EGFLAM: variants seen among roughly 807,000 people sequenced by gnomAD.
EGFLAM encodes the protein EGF like, fibronectin type III and laminin G domains, also known as pikachurin.
In EGFLAM, 79 loss-of-function variants were observed where a neutral mutation model predicts 113.1. The observed-to-expected ratio is 0.70, with a 90% CI of 0.58 to 0.84. The LOEUF (loss-of-function observed/expected upper bound fraction) is 0.84. EGFLAM is among the 40% of genes least tolerant of loss of function. The pLI is 0.00. For synonymous variants in EGFLAM, 504 were observed against 487.6 expected, an observed-to-expected ratio of 1.03 and a Z score of -0.44; for missense variants, 1,265 against 1,291.6, an observed-to-expected ratio of 0.98 and a Z score of 0.32.
intron 3 of EGFLAM, among the ~76,000 whole-genome samples, chr5:38,347,840 G>A (rs1026488982): frequency 2.0e-5 from 3 of 152,158 alleles, no homozygotes; most frequent in Non-Finnish European, 2.9e-5. Context: ...GGAGGTACAG[G>A]CAGTGCAGCA....
At chr5:38,375,837 A>G (rs1443730735) in intron 6 of EGFLAM, among the ~76,000 whole-genome samples, 2 of 152,186 alleles carry the variant, frequency 1.3e-5, no homozygotes, top group South Asian at 2.1e-4. Context: ...CCACAACATT[A>G]TAAGTAGAAC....
intron 11 of EGFLAM, among the ~76,000 whole-genome samples, chr5:38,413,338 T>C (rs998056466): frequency 1.6e-4 from 24 of 151,876 alleles, no homozygotes; most frequent in African/African-American, 2.9e-4. Context: ...CTAGAAGCCA[T>C]TATTAGTGTC....
chr5:38,395,224 G>A (rs555619931), intron 6 of EGFLAM, among the ~76,000 whole-genome samples: 1 of 148,346 alleles, frequency 6.7e-6, no homozygotes, highest in Admixed American at 6.7e-5. Context: ...ATAGGTGTGA[G>A]CCACCATGCC....
chr5:38,389,338 C>T (rs557405233), intron 6 of EGFLAM, among the ~76,000 whole-genome samples: 7 of 152,168 alleles, frequency 4.6e-5, no homozygotes, highest in Non-Finnish European at 8.8e-5. Context: ...CACAGCTCAA[C>T]GTGATTTTTC....
At chr5:38,292,528 C>T (rs1758360827) in intron 1 of EGFLAM, among the ~76,000 whole-genome samples, 1 of 152,158 alleles carries the variant, frequency 6.6e-6, no homozygotes, top group South Asian at 2.1e-4. Flanking sequence ...CATGTGTTCC[C>T]CAGTTCGCTG....
At chr5:38,388,800 C>A (rs1370932524) in intron 6 of EGFLAM, among the ~76,000 whole-genome samples, 1 of 149,478 alleles carries the variant, frequency 6.7e-6, no homozygotes, top group African/African-American at 2.5e-5. Context: ...CAGTGGTGCA[C>A]ACCTGTAGTC....
chr5:38,463,133 C>T (rs1743346584), intron 21 of EGFLAM, 122 bp downstream of exon 21: 3 of 909,884 alleles, frequency 3.3e-6, no homozygotes, highest in South Asian at 1.9e-5. Flanking sequence ...GGAAGCCCTC[C>T]AGATATTCCA....
Position 38,462,975 on chromosome 5 carries a change from A to T in EGFLAM, c.2839A>T (p.Met947Leu). The T allele has an allele frequency of 6.2e-7, 1 of 1,614,140 alleles. No individual in the cohort carries two copies. Among genetic ancestry groups the T allele is most frequent in the Non-Finnish European group, 8.5e-7 (1 of 1,180,006 alleles). ...CAGAACAGGCAAATCCCCAGGCATG[A>T]TGCGGCAGCTTAACATCAATGGAGC... ...GARTGKSPGMMRQLNINGALY... is the reference protein window; with the variant it reads ...GARTGKSPGMLRQLNINGALY... Residue 947 changes from methionine (M) to leucine (L), a missense_variant, in exon 21 of 22, where the codon ATG becomes TTG. Coordinates refer to ENST00000322350, the MANE Select transcript of EGFLAM (RefSeq NM_152403.4).
intron 6 of EGFLAM, among the ~76,000 whole-genome samples, chr5:38,402,425 G>A (rs542634415): frequency 1.3e-5 from 2 of 152,110 alleles, no homozygotes; most frequent in African/African-American, 2.4e-5. Context: ...TATTTTGTGA[G>A]GATTAACTTA....
At chr5:38,446,311 G>T (rs1742710163) in intron 17 of EGFLAM, among the ~76,000 whole-genome samples, 1 of 151,696 alleles carries the variant, frequency 6.6e-6, no homozygotes, top group Non-Finnish European at 1.5e-5. Context: ...TTCCGGCGCC[G>T]CCTTCTTTCC....
rs767984778 is a variant in EGFLAM at position 38,406,986 on chromosome 5, G to C, written c.987G>C (p.Gln329His). The part of the protein sequence containing the change: ...TTVAPQPIPI[Q>H]RKGKNGVAIM... Reference sequence around the variant, plus strand: ...TGGCTCCCCAGCCCATTCCCATACAGAGAAAGGGGAAGAATGGTGTGGCCA... The same window carrying C: ...TGGCTCCCCAGCCCATTCCCATACACAGAAAGGGGAAGAATGGTGTGGCCA... Residue 329 changes from glutamine to histidine, a missense_variant, in exon 8 of 22, where the codon CAG (glutamine) becomes CAC (histidine). Physicochemically the swap from Gln to His is conservative, Grantham distance 24. Coordinates refer to ENST00000322350, the MANE Select transcript of EGFLAM (RefSeq NM_152403.4). 7 of 1,614,186 alleles carry C rather than the reference G, an allele frequency of 4.3e-6. No homozygotes were observed. Among genetic ancestry groups the C allele is most frequent in the Non-Finnish European group, 5.9e-6 (7 of 1,180,032 alleles).
In EGFLAM at chr5:38,333,423, G is replaced by A. The variant is rs923270470; in HGVS notation, c.98-4097G>A. Among the ~76,000 whole-genome samples the A allele has an allele frequency of 9.2e-5, 14 of 152,154 alleles. No individual in the cohort carries two copies. In the East Asian group the frequency reaches 1.3e-3, roughly 15 times the overall value. On this transcript the variant is annotated intron_variant, in intron 1 of 21. Transcript: ENST00000322350. Reference sequence around the variant, plus strand: ...GCTAATTTATACTCCCACCAACAGCGTATAAGAGTTCCCTTTTCTCCACAA... The same window carrying A: ...GCTAATTTATACTCCCACCAACAGCATATAAGAGTTCCCTTTTCTCCACAA...
chr5:38,264,432 T>C (rs2111689706), intron 1 of EGFLAM, among the ~76,000 whole-genome samples: 3 of 152,248 alleles, frequency 2.0e-5, no homozygotes. Flanking sequence ...AACAAAAGGC[T>C]GGAAGAGAAG....
chr5:38,407,079 T>C lies in EGFLAM; in HGVS notation c.1080T>C (p.Asn360=), dbSNP rs757676310. 9.3e-6 allele frequency: 15 copies of C among 1,614,154 alleles called. No homozygotes were observed. The highest frequency in any genetic ancestry group is 1.6e-4 in the Middle Eastern group (1 of 6,062). Residue 360 remains asparagine, a synonymous_variant, in exon 8 of 22, where the codon AAT becomes AAC. Transcript: ENST00000322350. ...TLCSADSFCV[N]DYTWGGSRCQ... The stretch of plus-strand genomic sequence containing the variant: ...GCTCTGCTGACAGCTTCTGTGTCAA[T>C]GACTACACCTGGGGGGGCTCGCGAT...
At chr5:38,351,708 ATTACTATGTAT>A (rs1266387842) in intron 4 of EGFLAM, among the ~76,000 whole-genome samples, 10 of 152,196 alleles carry the variant, frequency 6.6e-5, no homozygotes, top group Non-Finnish European at 2.9e-5. Context: ...ATGACCTACC[ATTACTATGTAT>A]TCTGATTGTC....
chr5:38,271,206 G>A (rs1233119156), intron 1 of EGFLAM, among the ~76,000 whole-genome samples: 1 of 152,158 alleles, frequency 6.6e-6, no homozygotes, highest in East Asian at 1.9e-4. Flanking sequence ...GGCATCAGCT[G>A]CATGGCTCCC....
At chr5:38,419,041 G>T (rs1341053622) in intron 12 of EGFLAM, among the ~76,000 whole-genome samples, 2 of 152,112 alleles carry the variant, frequency 1.3e-5, no homozygotes, top group African/African-American at 2.4e-5. Flanking sequence ...TCCTGGAGAG[G>T]CCTCTCTCCT....
intron 6 of EGFLAM, among the ~76,000 whole-genome samples, chr5:38,375,487 C>A (rs1345740976): frequency 6.6e-6 from 1 of 152,138 alleles, no homozygotes; most frequent in Non-Finnish European, 1.5e-5. Context: ...CCAGTGGGAA[C>A]CTTGAGATCC....
chr5:38,462,911 T>C lies in EGFLAM; in HGVS notation c.2775T>C (p.Asp925=). ...TTTTTGTTTTGGTGTTTTGCAGGGA[T>C]GGCCAGTCAGGAAAGATAACCGTGG... ...GRWHRVKAVR[D]GQSGKITVDD... Residue 925 remains aspartate (D), a synonymous_variant, in exon 21 of 22, where the codon GAT becomes GAC. Coordinates refer to ENST00000322350, the MANE Select transcript of EGFLAM (RefSeq NM_152403.4). The C allele has an allele frequency of 6.2e-7, 1 of 1,614,128 alleles. No homozygotes were observed. The highest frequency in any genetic ancestry group is 8.5e-7 in the Non-Finnish European group (1 of 1,180,012).
Sources: allele counts gnomAD v4.1 joint callset (sites outside exome capture counted in the v4.1 genomes callset), GRCh38; gene constraint gnomAD v4.1.1; transcripts MANE v1.5; gene names NCBI Gene and HGNC (gene_info 2026-07-23, HGNC 2026-07-21).